COL26A1: variants seen among roughly 807,000 people sequenced by gnomAD.
COL26A1 encodes the protein collagen type XXVI alpha 1 chain.
A neutral mutation model predicts 59.3 loss-of-function variants in COL26A1; 41 were observed. The ratio of observed to expected loss-of-function variants is 0.69; its 90% CI spans 0.54 to 0.90. The LOEUF (loss-of-function observed/expected upper bound fraction) is 0.90, where lower values mean the gene tolerates loss of function less well. COL26A1 is among the 40% of genes least tolerant of loss of function. The probability of loss-of-function intolerance (pLI) is 0.00; values close to 1 mark genes in which losing one functional copy is unlikely to be tolerated. For synonymous variants in COL26A1, 266 were observed against 256.0 expected, an observed-to-expected ratio of 1.04 and a Z score of -0.37; for missense variants, 612 against 602.3, an observed-to-expected ratio of 1.02 and a Z score of -0.17.
At chr7:101,513,630 C>A (rs936444892) in intron 3 of COL26A1, among the ~76,000 whole-genome samples, 7 of 152,148 alleles carry the variant, frequency 4.6e-5, no homozygotes, top group African/African-American at 1.7e-4. Context: ...CAGGTGTGAG[C>A]CACCATGCCT....
intron 1 of COL26A1, among the ~76,000 whole-genome samples, chr7:101,371,857 A>G (rs1164334673): frequency 6.6e-6 from 1 of 152,106 alleles, no homozygotes; most frequent in East Asian, 1.9e-4. Context: ...GTTGGGGAAA[A>G]CAGATCCATG....
intron 3 of COL26A1, among the ~76,000 whole-genome samples, chr7:101,519,582 C>G (rs1380840398): frequency 6.6e-6 from 1 of 152,212 alleles, no homozygotes; most frequent in Non-Finnish European, 1.5e-5. Context: ...TGAGATCCCA[C>G]TCAGCCACTG....
At chr7:101,517,437 C>T (rs953032603) in intron 3 of COL26A1, among the ~76,000 whole-genome samples, 2 of 152,166 alleles carry the variant, frequency 1.3e-5, no homozygotes, top group Admixed American at 1.3e-4. Context: ...ACAATCACTG[C>T]GAGGTGACTT....
rs148936292 is a variant in COL26A1, at chr7:101,414,625, C to T, written c.159-5352C>T. On this transcript the variant is annotated intron_variant, in intron 1 of 12. Transcript: ENST00000313669. Reference sequence around the variant, plus strand: ...GCTAATTTTTTATTTTTATTAGAGACGAGGTTTTGCCATGTTGGCCAGGCT... The same window carrying T: ...GCTAATTTTTTATTTTTATTAGAGATGAGGTTTTGCCATGTTGGCCAGGCT... Among the ~76,000 whole-genome samples the T allele has an allele frequency of 7.5e-3, 1,140 of 152,176 alleles. 15 individuals carry two copies. The highest frequency in any genetic ancestry group is 0.026 in the African/African-American group (1,099 of 41,522).
intron 7 of COL26A1, 47 bp from the exon 8 acceptor site, chr7:101,547,109 G>T (rs1562800187): frequency 7.2e-7 from 1 of 1,391,694 alleles, no homozygotes; most frequent in Non-Finnish European, 9.9e-7. Context: ...TCCCAGCACT[G>T]CCAGGTCTGC....
intron 3 of COL26A1, among the ~76,000 whole-genome samples, chr7:101,456,248 G>T (rs552257223): frequency 2.7e-4 from 40 of 150,352 alleles, no homozygotes; most frequent in African/African-American, 9.8e-4. Flanking sequence ...GTTTCATTCT[G>T]TTGCCCAGGC....
intron 3 of COL26A1, among the ~76,000 whole-genome samples, chr7:101,493,579 G>A (rs34942414): frequency 0.13 from 19,245 of 151,960 alleles, 1,250 homozygotes; most frequent in Non-Finnish European, 0.13. Context: ...AATGAGCTAT[G>A]AGGATTATCA....
chr7:101,548,481 A>G (rs1342475961), intron 8 of COL26A1, among the ~76,000 whole-genome samples: 1 of 152,162 alleles, frequency 6.6e-6, no homozygotes, highest in Non-Finnish European at 1.5e-5. Flanking sequence ...GCTGGTTTAC[A>G]TAAGGGATTT....
intron 2 of COL26A1, among the ~76,000 whole-genome samples, chr7:101,423,354 G>T (rs1371361026): frequency 6.6e-6 from 1 of 152,120 alleles, no homozygotes; most frequent in Non-Finnish European, 1.5e-5. Context: ...CACTGACCTG[G>T]ACTGAAAATT....
chr7:101,471,544 A>C (rs141022800), intron 3 of COL26A1, among the ~76,000 whole-genome samples: 1 of 150,612 alleles, frequency 6.6e-6, no homozygotes, highest in African/African-American at 2.5e-5. Context: ...AGCTAAGAAT[A>C]ATGTTTTGTT....
chr7:101,400,233 C>A (rs1173872108), intron 1 of COL26A1, among the ~76,000 whole-genome samples: 2 of 151,948 alleles, frequency 1.3e-5, no homozygotes. Flanking sequence ...CATGGCTCAG[C>A]CTAGGGCTCA....
chr7:101,455,806 C>T (rs1445863773), intron 3 of COL26A1, among the ~76,000 whole-genome samples: 1 of 152,156 alleles, frequency 6.6e-6, no homozygotes, highest in Non-Finnish European at 1.5e-5. Context: ...CCTCAGCCTC[C>T]CAAGTAGCTG....
At chr7:101,538,321 C>T (rs564083751) in intron 4 of COL26A1, among the ~76,000 whole-genome samples, 2 of 152,336 alleles carry the variant, frequency 1.3e-5, no homozygotes, top group Admixed American at 6.5e-5. Flanking sequence ...GCTGTCCCCG[C>T]TCTCTGTGCC....
At position 101,558,759 on chromosome 7, in the gene COL26A1, C is replaced by G. The variant is rs142193931; in HGVS notation, c.*1229C>G. Reference sequence around the variant, plus strand: ...TCTTGCTGGGCTGGGACCTGGGACACAGCCACGGCAGCAAACTCAGAGAAT... The same window carrying G: ...TCTTGCTGGGCTGGGACCTGGGACAGAGCCACGGCAGCAAACTCAGAGAAT... On this transcript the variant is annotated 3_prime_UTR_variant, in exon 13 of 13. Coordinates refer to ENST00000313669, the MANE Select transcript of COL26A1 (RefSeq NM_001278563.3). The G allele has an allele frequency of 1.3e-5, 2 of 152,448 alleles. No individual in the cohort carries two copies. Among genetic ancestry groups the G allele is most frequent in the Non-Finnish European group, 2.9e-5 (2 of 68,142 alleles). 9.4% of individuals were successfully genotyped at this position (152,448 alleles called of 1,614,324 possible).
intron 3 of COL26A1, among the ~76,000 whole-genome samples, chr7:101,459,602 C>T (rs925098398): frequency 2.0e-5 from 3 of 152,064 alleles, no homozygotes; most frequent in Non-Finnish European, 4.4e-5. Context: ...GCCACCACAC[C>T]TGGCCTACAC....
intron 1 of COL26A1, among the ~76,000 whole-genome samples, chr7:101,401,996 A>G (rs929621880): frequency 6.6e-6 from 1 of 152,168 alleles, no homozygotes; most frequent in Admixed American, 6.5e-5. Flanking sequence ...ATGATCCAAC[A>G]TAAAAGGCAG....
chr7:101,541,148 G>T (rs1392471155), intron 5 of COL26A1, among the ~76,000 whole-genome samples: 2 of 152,118 alleles, frequency 1.3e-5, no homozygotes, highest in Non-Finnish European at 2.9e-5. Flanking sequence ...TTCAGTATCT[G>T]CCCTGCTCCT....
At chr7:101,489,208 A>C (rs183489293) in intron 3 of COL26A1, among the ~76,000 whole-genome samples, 54 of 152,228 alleles carry the variant, frequency 3.5e-4, no homozygotes, top group African/African-American at 1.3e-3. Flanking sequence ...CTTTAACAAC[A>C]GGACTTTAGT....
intron 3 of COL26A1, among the ~76,000 whole-genome samples, chr7:101,507,571 G>T (rs911768147): frequency 2.6e-5 from 4 of 151,982 alleles, no homozygotes; most frequent in Non-Finnish European, 5.9e-5. Flanking sequence ...ACAGGCACAC[G>T]CCACCATGCC....
Sources: gnomAD v4.1 joint callset for allele counts (sites outside exome capture counted in the v4.1 genomes callset) on GRCh38, gnomAD v4.1.1 for gene constraint, MANE v1.5 for transcripts, NCBI Gene and HGNC (gene_info 2026-07-23, HGNC 2026-07-21) for gene names.